The following ZNF366 variants were observed in gnomAD, a reference collection of about 807,000 sequenced individuals.
The protein encoded by ZNF366 is zinc finger protein 366.
Under a neutral mutation model 47.2 loss-of-function variants are expected in ZNF366, and 20 were observed. The ratio of observed to expected loss-of-function variants is 0.42; its 90% CI spans 0.30 to 0.62. The LOEUF (loss-of-function observed/expected upper bound fraction) is 0.62. ZNF366 is among the 20% of genes least tolerant of loss of function. The probability of loss-of-function intolerance (pLI) is 0.16; values close to 1 mark genes in which losing one functional copy is unlikely to be tolerated. For synonymous variants in ZNF366, 421 were observed against 395.1 expected (o/e 1.07, Z -0.78); for missense variants, 987 against 976.3 (o/e 1.01, Z -0.15).
intron 1 of ZNF366, among the ~76,000 whole-genome samples, chr5:72,503,236 C>T (rs565795754): frequency 3.3e-5 from 5 of 152,100 alleles, no homozygotes; most frequent in South Asian, 2.1e-4. Context: ...ATTGCTCAAC[C>T]GGCTAGGACA....
intron 1 of ZNF366, among the ~76,000 whole-genome samples, chr5:72,480,810 T>C (rs953468262): frequency 3.9e-5 from 6 of 152,240 alleles, no homozygotes; most frequent in African/African-American, 1.4e-4. Context: ...AAATTGCCTA[T>C]AGTTTCTAAA....
intron 1 of ZNF366, among the ~76,000 whole-genome samples, chr5:72,462,831 G>T (rs1743353105): frequency 6.6e-6 from 1 of 152,152 alleles, no homozygotes; most frequent in South Asian, 2.1e-4. Context: ...GATTACAGGC[G>T]TGAGCCACTG....
intron 1 of ZNF366, among the ~76,000 whole-genome samples, chr5:72,462,547 C>CTTTCTTTCTT (rs11275151): frequency 7.6e-5 from 6 of 78,916 alleles, no homozygotes; most frequent in South Asian, 5.6e-4. Context: ...TTCTTTCTTT[C>CTTTCTTTCTT]TTTTTTTTTT....
At chr5:72,455,119 A>G (rs1331624349) in intron 3 of ZNF366, among the ~76,000 whole-genome samples, 1 of 152,144 alleles carries the variant, frequency 6.6e-6, no homozygotes, top group Non-Finnish European at 1.5e-5. Flanking sequence ...CACTGGGAAT[A>G]TGAAGAAAAG....
At chr5:72,450,023 A>G (rs1292402051) in intron 3 of ZNF366, among the ~76,000 whole-genome samples, 2 of 152,232 alleles carry the variant, frequency 1.3e-5, no homozygotes, top group African/African-American at 4.8e-5. Context: ...CTTGGCTCGC[A>G]TGATGAGAGA....
intron 3 of ZNF366, among the ~76,000 whole-genome samples, chr5:72,454,476 CT>C (rs1335486561): frequency 6.6e-6 from 1 of 152,214 alleles, no homozygotes; most frequent in African/African-American, 2.4e-5. Flanking sequence ...GCTTTGCCCC[CT>C]GACCTAACCC....
chr5:72,464,038 G>A (rs1351616944), intron 1 of ZNF366, among the ~76,000 whole-genome samples: 2 of 152,110 alleles, frequency 1.3e-5, no homozygotes, highest in Non-Finnish European at 2.9e-5. Flanking sequence ...CAGACTACAA[G>A]TACCTATGGC....
intron 1 of ZNF366, among the ~76,000 whole-genome samples, chr5:72,482,746 T>TTGTGTG (rs3041122): frequency 0.16 from 23,000 of 140,908 alleles, 2,021 homozygotes; most frequent in East Asian, 0.27. Flanking sequence ...CATTTCTATT[T>TTGTGTG]TGTGTGTGTG....
At chr5:72,448,490 C>T (rs936143943) in intron 3 of ZNF366, among the ~76,000 whole-genome samples, 1 of 152,136 alleles carries the variant, frequency 6.6e-6, no homozygotes, top group Admixed American at 6.5e-5. Context: ...AATTTCAGCC[C>T]TTCCTTGGCT....
At chr5:72,462,645 G>T (rs1434566803) in intron 1 of ZNF366, among the ~76,000 whole-genome samples, 2 of 151,156 alleles carry the variant, frequency 1.3e-5, no homozygotes, top group African/African-American at 4.9e-5. Context: ...CCGCCTCCTG[G>T]GTTCAAGTGA....
At chr5:72,458,397 CACTGTTTTCAGAAT>C (rs1348498223) in intron 2 of ZNF366, among the ~76,000 whole-genome samples, 2 of 152,186 alleles carry the variant, frequency 1.3e-5, no homozygotes, top group Admixed American at 1.3e-4. Flanking sequence ...TTCTGCTTAT[CACTGTTTTCAGAAT>C]TCTTTAAAGA....
At chr5:72,446,157 C>A (rs557767961) in intron 4 of ZNF366, among the ~76,000 whole-genome samples, 1 of 152,226 alleles carries the variant, frequency 6.6e-6, no homozygotes, top group African/African-American at 2.4e-5. Context: ...GCTGGAATCC[C>A]AGTTCTGTCT....
chr5:72,483,519 G>C (rs1580248984), intron 1 of ZNF366, among the ~76,000 whole-genome samples: 2 of 152,136 alleles, frequency 1.3e-5, no homozygotes, highest in Admixed American at 6.5e-5. Context: ...AATATGAGAA[G>C]AAGTAACATT....
chr5:72,503,358 C>T (rs1744252261), intron 1 of ZNF366, among the ~76,000 whole-genome samples: 1 of 152,102 alleles, frequency 6.6e-6, no homozygotes. Context: ...AAGCATGGCT[C>T]TTAAAACGAG....
chr5:72,494,773 G>T (rs763220257), intron 1 of ZNF366, among the ~76,000 whole-genome samples: 2 of 152,068 alleles, frequency 1.3e-5, no homozygotes, highest in African/African-American at 4.8e-5. Flanking sequence ...AATTAGAGGT[G>T]TTTGGTTTGG....
At chr5:72,444,766 A>G (rs1318561417) in intron 4 of ZNF366, among the ~76,000 whole-genome samples, 2 of 152,216 alleles carry the variant, frequency 1.3e-5, no homozygotes, top group Non-Finnish European at 2.9e-5. Context: ...TATTTTAAGT[A>G]AAAACAAAAA....
At chr5:72,462,516 TTTC>T (rs1743338243) in intron 1 of ZNF366, among the ~76,000 whole-genome samples, 1 of 71,916 alleles carries the variant, frequency 1.4e-5, no homozygotes, top group Admixed American at 1.2e-4. Flanking sequence ...GTTTTCTTTC[TTTC>T]TTTCTTTCTT....
intron 1 of ZNF366, among the ~76,000 whole-genome samples, chr5:72,474,736 A>G (rs748533608): frequency 3.7e-4 from 56 of 152,234 alleles, no homozygotes; most frequent in Non-Finnish European, 6.9e-4. Flanking sequence ...TGTGCATTAC[A>G]TTAACAAAAT....
In ZNF366 at chr5:72,443,852, A is replaced by C. The variant is rs368594384; in HGVS notation, c.2139T>G (p.Ser713=). 1.2e-5 allele frequency: 20 copies of C among 1,614,044 alleles called. No homozygotes were observed. The African/African-American group carries it at 1.7e-4, about 14-fold the overall frequency. The change falls in exon 5 of 5, where the codon TCT becomes TCG. Residue 713 remains serine (S), a synonymous_variant. Coordinates refer to ENST00000318442, the MANE Select transcript of ZNF366 (RefSeq NM_152625.3). ...GCTTGAAGTATAAGTAATCAGAAAA[A>C]GAGGGGCCCCGCCGGGTACTCTGAA... ...RAFQSTRRGP[S]FSDYLYFKHR...
Sources: allele counts gnomAD v4.1 joint callset (sites outside exome capture counted in the v4.1 genomes callset), GRCh38; gene constraint gnomAD v4.1.1; transcripts MANE v1.5; gene names NCBI Gene and HGNC (gene_info 2026-07-23, HGNC 2026-07-21).